ARHGEF19: variants seen among roughly 807,000 people sequenced by gnomAD.
ARHGEF19 encodes Rho guanine nucleotide exchange factor 19, also known as Rho guanine nucleotide exchange factor (GEF) 19.
A neutral mutation model predicts 87.6 loss-of-function variants in ARHGEF19; 92 were observed. The ratio of observed to expected loss-of-function variants is 1.05; its 90% CI spans 0.89 to 1.25. The LOEUF (loss-of-function observed/expected upper bound fraction) is 1.25, where lower values mean the gene tolerates loss of function less well. Among genes scored for constraint, ARHGEF19 ranks in the 50% most tolerant of loss-of-function variants. ARHGEF19 has a pLI of 0.00. For synonymous variants in ARHGEF19, 438 were observed against 446.2 expected (o/e 0.98, Z 0.23); for missense variants, 1,054 against 1,051.8 (o/e 1.00, Z -0.03).
intron 12 of ARHGEF19, 73 bp from the exon 13 acceptor site, chr1:16,202,647 G>A (rs112399284): frequency 6.4e-7 from 1 of 1,560,670 alleles, no homozygotes; most frequent in African/African-American, 1.4e-5. Flanking sequence ...GGGATCAGGT[G>A]GGTTCTGACT....
At position 16,207,256 on chromosome 1, in the gene ARHGEF19, C is replaced by T. The variant is rs543118461; in HGVS notation, c.875-46G>A. On this transcript the variant is annotated intron_variant, in intron 5 of 15. Transcript: ENST00000270747. This position sits in a 1 kb window ranked among gnomAD's most constrained non-coding sequence, Gnocchi z 4.0. Reference sequence around the variant, plus strand: ...GGAGAGCGTGGGGCGCCCGCCAGCCCCTGCCCGGCTTTTCCTCGGTTCCCT... The same window carrying T: ...GGAGAGCGTGGGGCGCCCGCCAGCCTCTGCCCGGCTTTTCCTCGGTTCCCT... The T allele has an allele frequency of 6.8e-7, 1 of 1,467,138 alleles. No homozygotes were observed. The highest frequency in any genetic ancestry group is 1.4e-5 in the South Asian group (1 of 72,722). 90.9% of individuals were successfully genotyped at this position (1,467,138 alleles called of 1,614,324 possible).
chr1:16,198,512 T>C lies in ARHGEF19; in HGVS notation c.*75A>G. On this transcript the variant is annotated 3_prime_UTR_variant, in exon 16 of 16. Coordinates refer to ENST00000270747, the MANE Select transcript of ARHGEF19 (RefSeq NM_153213.5). This position sits in a 1 kb window ranked among gnomAD's most constrained non-coding sequence, Gnocchi z 4.1. ...GTGCCAGCAGGAGCAGCTTGGGGAATGGAGACACTGCAGGCCCCTCCAGGA... is the reference window on the plus strand; with the variant it reads ...GTGCCAGCAGGAGCAGCTTGGGGAACGGAGACACTGCAGGCCCCTCCAGGA... 6.9e-7 allele frequency: 1 copy of C among 1,457,024 alleles called. No homozygotes were observed. Among genetic ancestry groups the C allele is most frequent in the Non-Finnish European group, 9.1e-7 (1 of 1,095,612 alleles). 90.3% of individuals were successfully genotyped at this position (1,457,024 alleles called of 1,614,324 possible). A position where few individuals can be genotyped will look rare whatever the true frequency, so the allele number is the denominator to read the frequency against.
At chr1:16,200,337 C>T (rs1435834475) in intron 14 of ARHGEF19, among the ~76,000 whole-genome samples, 2 of 152,222 alleles carry the variant, frequency 1.3e-5, no homozygotes, top group African/African-American at 4.8e-5. Flanking sequence ...AGATTTAATG[C>T]AAATACAAGG....
rs777058294 is a variant in ARHGEF19 at position 16,208,823 on chromosome 1, A to G, written c.232T>C (p.Trp78Arg). 1 of 1,612,988 alleles carries G rather than the reference A, an allele frequency of 6.2e-7. No individual in the cohort carries two copies. Among genetic ancestry groups the G allele is most frequent in the Admixed American group, 1.7e-5 (1 of 59,718 alleles). The stretch of plus-strand genomic sequence containing the variant: ...TCTGAGCCTCCTGGGGATAATGGCC[A>G]TAGCAACCCTTGGAGAGGGGCAGGG... ...GTPAPLQGLL[W>R]PLSPGGSDTE... The change falls in exon 2 of 16, where the codon TGG (tryptophan) becomes CGG (arginine). Residue 78 changes from tryptophan (W) to arginine (R), a missense_variant. By Grantham distance (101) the Trp-to-Arg change is moderately radical. Coordinates refer to ENST00000270747, the MANE Select transcript of ARHGEF19 (RefSeq NM_153213.5).
chr1:16,199,327 A>T, intron 14 of ARHGEF19, 73 bp from the exon 15 acceptor site: 14 of 1,179,490 alleles, frequency 1.2e-5, no homozygotes, highest in Non-Finnish European at 1.8e-5. Flanking sequence ...TAGGGCAGGG[A>T]GGGGCAGTAG....
At chr1:16,202,196 CCT>C (rs1489552890) in intron 13 of ARHGEF19, among the ~76,000 whole-genome samples, 1 of 152,244 alleles carries the variant, frequency 6.6e-6, no homozygotes, top group Non-Finnish European at 1.5e-5. Flanking sequence ...GTGGCAGCCC[CCT>C]GACACCACCT....
chr1:16,207,959 C>T lies in ARHGEF19; in HGVS notation c.679G>A (p.Gly227Arg), dbSNP rs752686937. The T allele has an allele frequency of 5.6e-6, 9 of 1,610,032 alleles. No individual in the cohort carries two copies. Among genetic ancestry groups the T allele is most frequent in the Admixed American group, 1.7e-5 (1 of 59,944 alleles). ...GAGCTGGTACCTTCCCGGGCTGCTC[C>T]GGTGCCTGACCCAGAGATGAGTGCC... The part of the protein sequence containing the change: ...ARALISGSGT[G>R]AAREGKASGM... The change falls in exon 3 of 16, where the codon GGA becomes AGA. Residue 227 changes from glycine (G) to arginine (R), a missense_variant. Gly to Arg is a moderately radical substitution (Grantham distance 125). Coordinates refer to ENST00000270747, the MANE Select transcript of ARHGEF19 (RefSeq NM_153213.5). The surrounding 1 kb of genome is among the most constrained non-coding windows in gnomAD (Gnocchi z 4.0).
At chr1:16,204,124 C>A (rs1051862934) in intron 12 of ARHGEF19, among the ~76,000 whole-genome samples, 2 of 152,182 alleles carry the variant, frequency 1.3e-5, no homozygotes, top group African/African-American at 4.8e-5. Flanking sequence ...CCTTGGCCTC[C>A]CAAAGTGCTG....
chr1:16,201,186 C>G (rs1344052997), intron 14 of ARHGEF19, among the ~76,000 whole-genome samples: 2 of 152,136 alleles, frequency 1.3e-5, no homozygotes, highest in South Asian at 2.1e-4. Flanking sequence ...CATGCCACTG[C>G]ACTCCAGCCT....
At chr1:16,201,188 C>T (rs1456224538) in intron 14 of ARHGEF19, among the ~76,000 whole-genome samples, 1 of 152,176 alleles carries the variant, frequency 6.6e-6, no homozygotes, top group Non-Finnish European at 1.5e-5. Flanking sequence ...TGCCACTGCA[C>T]TCCAGCCTGG....
Position 16,202,496 on chromosome 1 carries a change from G to T in ARHGEF19, c.1986C>A (p.Gly662=). 1.2e-6 allele frequency: 2 copies of T among 1,614,202 alleles called. No individual in the cohort carries two copies. Among genetic ancestry groups the T allele is most frequent in the Non-Finnish European group, 1.7e-6 (2 of 1,180,026 alleles). Residue 662 remains glycine (G), a synonymous_variant, in exon 13 of 16, where the codon GGC becomes GGA. Coordinates refer to ENST00000270747, the MANE Select transcript of ARHGEF19 (RefSeq NM_153213.5). ...GGAGGAGGAACACGTGGCCGGGGAT[G>T]CCCTGCAGCTTCAGGCTCAGGTCCC... ...QVRDLSLKLQ[G]IPGHVFLLQL... is the part of the protein sequence containing the mutation.
rs181377756 is a variant in ARHGEF19 at position 16,201,229 on chromosome 1, C to A, written c.2146+553G>T. Among the ~76,000 whole-genome samples, 951 of 152,242 alleles carry A rather than the reference C, an allele frequency of 6.2e-3. 2 individuals are homozygous for A. The highest frequency in any genetic ancestry group is 9.6e-3 in the Non-Finnish European group (652 of 68,010). On this transcript the variant is annotated intron_variant, in intron 14 of 15. Coordinates refer to ENST00000270747, the MANE Select transcript of ARHGEF19 (RefSeq NM_153213.5). ...ACAGCAAGACCCTGTCTCAAAAAAA[C>A]CCCAAACAAACCTTCAATAGCTCCC... is the stretch of plus-strand genomic sequence containing the variant.
At chr1:16,211,309 C>A (rs2081195250) in intron 1 of ARHGEF19, among the ~76,000 whole-genome samples, 1 of 152,124 alleles carries the variant, frequency 6.6e-6, no homozygotes, top group Non-Finnish European at 1.5e-5. Context: ...AATCAGAAGT[C>A]CTCGACACAG....
At position 16,206,364 on chromosome 1, in the gene ARHGEF19, C is replaced by A; in HGVS notation, c.1138-24G>T. The A allele has an allele frequency of 6.4e-7, 1 of 1,567,012 alleles. No individual in the cohort carries two copies. Among genetic ancestry groups the A allele is most frequent in the South Asian group, 1.2e-5 (1 of 84,942 alleles). The stretch of plus-strand genomic sequence containing the variant: ...GCCTGAGGGAGGGCACACACGGGGT[C>A]GAAAGGGCAGGACCAGTTCACCTCG... On this transcript the variant is annotated intron_variant, in intron 6 of 15. Coordinates refer to ENST00000270747, the MANE Select transcript of ARHGEF19 (RefSeq NM_153213.5). This position sits in a 1 kb window ranked among gnomAD's most constrained non-coding sequence, Gnocchi z 4.6.
Position 16,205,716 on chromosome 1 carries a change from G to A in ARHGEF19, c.1452-49C>T, listed in dbSNP as rs1323792132. The A allele has an allele frequency of 5.8e-6, 9 of 1,560,850 alleles. No individual in the cohort carries two copies. The highest frequency in any genetic ancestry group is 1.4e-5 in the African/African-American group (1 of 72,838). On this transcript the variant is annotated intron_variant, in intron 8 of 15. Transcript: ENST00000270747. The surrounding 1 kb of genome is among the most constrained non-coding windows in gnomAD (Gnocchi z 5.8). Reference sequence around the variant, plus strand: ...AATCACAGGTAGGCCTGAATTCCTGGGATCCACAACCCTGGCCATCCACGG... The same window carrying A: ...AATCACAGGTAGGCCTGAATTCCTGAGATCCACAACCCTGGCCATCCACGG...
chr1:16,198,385 G>C lies in ARHGEF19; in HGVS notation c.*202C>G, dbSNP rs1471979138. 9 of 489,250 alleles carry C rather than the reference G, an allele frequency of 1.8e-5. No individual in the cohort carries two copies. The highest frequency in any genetic ancestry group is 6.0e-5 in the South Asian group (1 of 16,702). 30.3% of individuals were successfully genotyped at this position (489,250 alleles called of 1,614,324 possible). A position where few individuals can be genotyped will look rare whatever the true frequency, so the allele number is the denominator to read the frequency against. ...AGAGGAAGAAACTATCCTTGGCCTT[G>C]AAGTGTGGACACTGAGGAGCATGAG... On this transcript the variant is annotated 3_prime_UTR_variant, in exon 16 of 16. Coordinates refer to ENST00000270747, the MANE Select transcript of ARHGEF19 (RefSeq NM_153213.5). This position sits in a 1 kb window ranked among gnomAD's most constrained non-coding sequence, Gnocchi z 4.1.
rs1169341374 is a variant in ARHGEF19 at position 16,206,401 on chromosome 1, C to G, written c.1138-61G>C. The G allele has an allele frequency of 1.3e-6, 2 of 1,537,216 alleles. No individual in the cohort carries two copies. The highest frequency in any genetic ancestry group is 2.0e-5 in the Admixed American group (1 of 50,948). Reference sequence around the variant, plus strand: ...ACCAGTTCACCTCGGAGGCCCTGGCCTCACATCCCCAGACCCCAGGACGCC... The same window carrying G: ...ACCAGTTCACCTCGGAGGCCCTGGCGTCACATCCCCAGACCCCAGGACGCC... On this transcript the variant is annotated intron_variant, in intron 6 of 15. Coordinates refer to ENST00000270747, the MANE Select transcript of ARHGEF19 (RefSeq NM_153213.5). This position sits in a 1 kb window ranked among gnomAD's most constrained non-coding sequence, Gnocchi z 4.6.
rs1479730290 is a variant in ARHGEF19 at position 16,207,982 on chromosome 1, G to C, written c.656C>G (p.Ala219Gly). The change falls in exon 3 of 16, where the codon GCA becomes GGA. Residue 219 changes from alanine to glycine, a missense_variant. Coordinates refer to ENST00000270747, the MANE Select transcript of ARHGEF19 (RefSeq NM_153213.5). This position sits in a 1 kb window ranked among gnomAD's most constrained non-coding sequence, Gnocchi z 4.0. ...TCCGGTGCCTGACCCAGAGATGAGT[G>C]CCCGGGCTGCTGAATTCCGCCCCAG... ...LRLGRNSAAR[A>G]LISGSGTGAA... The C allele has an allele frequency of 6.8e-6, 11 of 1,612,074 alleles. No homozygotes were observed. Among genetic ancestry groups the C allele is most frequent in the Non-Finnish European group, 9.3e-6 (11 of 1,179,868 alleles).
rs747493013 is a variant in ARHGEF19 at position 16,206,127 on chromosome 1, G to A, written c.1299-44C>T. 2 of 1,576,550 alleles carry A rather than the reference G, an allele frequency of 1.3e-6. No homozygotes were observed. Among genetic ancestry groups the A allele is most frequent in the South Asian group, 1.2e-5 (1 of 86,576 alleles). ...GATGGAGACCCCAGATCTGGGAGCT[G>A]GCCAACCACTGGCTCCGTCCCCACC... On this transcript the variant is annotated intron_variant, in intron 7 of 15. Transcript: ENST00000270747. The surrounding 1 kb of genome is among the most constrained non-coding windows in gnomAD (Gnocchi z 4.6).
Sources: allele counts gnomAD v4.1 joint callset (sites outside exome capture counted in the v4.1 genomes callset), GRCh38; gene constraint gnomAD v4.1.1; non-coding constraint Gnocchi (gnomAD v3.1); transcripts MANE v1.5; gene names NCBI Gene and HGNC (gene_info 2026-07-23, HGNC 2026-07-21).